The following CCDC169 variants were observed in gnomAD, a reference collection of about 807,000 sequenced individuals.
CCDC169 encodes the protein coiled-coil domain containing 169.
A neutral mutation model predicts 36.0 loss-of-function variants in CCDC169; 30 were observed. The ratio of observed to expected loss-of-function variants is 0.83; its 90% CI spans 0.62 to 1.13. The LOEUF (loss-of-function observed/expected upper bound fraction) is 1.13. Among genes scored for constraint, CCDC169 ranks in the 50% most tolerant of loss-of-function variants. The pLI, the probability that CCDC169 is intolerant of heterozygous loss-of-function variation, is 0.00. For synonymous variants in CCDC169, 85 were observed against 81.5 expected (o/e 1.04, Z -0.23); for missense variants, 245 against 245.9 (o/e 1.00, Z 0.03).
chr13:36,284,627 AAAG>A (rs758758246), intron 2 of CCDC169, among the ~76,000 whole-genome samples: 13 of 152,204 alleles, frequency 8.5e-5, no homozygotes, highest in Non-Finnish European at 5.9e-5. Flanking sequence ...GTCTGGGGAA[AAAG>A]AAGAATACAG....
At chr13:36,260,093 A>G (rs1874432734) in intron 4 of CCDC169, among the ~76,000 whole-genome samples, 1 of 152,242 alleles carries the variant, frequency 6.6e-6, no homozygotes, top group African/African-American at 2.4e-5. Flanking sequence ...ATTACAGTTG[A>G]AATGGCTAAT....
At chr13:36,255,825 C>T (rs748985) in intron 4 of CCDC169, among the ~76,000 whole-genome samples, 61,629 of 151,984 alleles carry the variant, frequency 0.41, 13,276 homozygotes, top group Non-Finnish European at 0.48. Context: ...CCACAGTCTT[C>T]AGAGGAACTT....
At chr13:36,283,146 T>A in intron 4 of CCDC169, 1 of 274,120 alleles carries the variant, frequency 3.6e-6, no homozygotes, top group Non-Finnish European at 6.8e-6. Flanking sequence ...GTAACAAGCG[T>A]GCAAAAGGAC....
intron 7 of CCDC169, among the ~76,000 whole-genome samples, chr13:36,237,204 T>C (rs1566059872): frequency 6.6e-6 from 1 of 152,036 alleles, no homozygotes; most frequent in East Asian, 1.9e-4. Context: ...TTCAACATCA[T>C]TAGTCATTAG....
At chr13:36,285,618 G>GATACATACATAC (rs374083543) in intron 2 of CCDC169, among the ~76,000 whole-genome samples, 166 of 133,592 alleles carry the variant, frequency 1.2e-3, no homozygotes, top group African/African-American at 4.2e-3. Flanking sequence ...TAGATAGATA[G>GATACATACATAC]ATACATAGAT....
downstream of CCDC169, chr13:36,230,732 T>C (rs11617647): frequency 0.18 from 177,465 of 979,518 alleles, 16,283 homozygotes; most frequent in Non-Finnish European, 0.19. Flanking sequence ...TGTTCTACGA[T>C]ACCATAATAT....
At chr13:36,237,708 C>T (rs1164780889) in intron 7 of CCDC169, among the ~76,000 whole-genome samples, 1 of 152,144 alleles carries the variant, frequency 6.6e-6, no homozygotes, top group African/African-American at 2.4e-5. Flanking sequence ...ATTGTATGCT[C>T]CCATTTACAG....
intron 4 of CCDC169, among the ~76,000 whole-genome samples, chr13:36,273,836 G>A (rs1291733372): frequency 6.6e-6 from 1 of 152,098 alleles, no homozygotes. Flanking sequence ...CTTGTCCTTC[G>A]TTCTTTCTTC....
At chr13:36,239,992 G>A (rs908479045) in intron 7 of CCDC169, among the ~76,000 whole-genome samples, 23 of 152,040 alleles carry the variant, frequency 1.5e-4, no homozygotes, top group Non-Finnish European at 8.8e-5. Context: ...CTCTTCCTAT[G>A]CCTAAATTGT....
At chr13:36,226,990 C>A (rs2138361956), downstream of CCDC169, 2 of 427,224 alleles carry the variant, frequency 4.7e-6, no homozygotes, top group East Asian at 6.6e-5. Flanking sequence ...AAATCCTTAT[C>A]TCTCACTGTA....
chr13:36,282,561 C>T, intron 4 of CCDC169: 2 of 985,126 alleles, frequency 2.0e-6, no homozygotes, highest in Non-Finnish European at 2.4e-6. Flanking sequence ...TCTGTTTATA[C>T]TGAACTTTCA....
intron 7 of CCDC169, among the ~76,000 whole-genome samples, chr13:36,235,844 T>G (rs1871007805): frequency 2.0e-5 from 3 of 151,872 alleles, no homozygotes; most frequent in African/African-American, 4.8e-5. Context: ...TCAACTGTAT[T>G]TCTAGACACC....
chr13:36,283,405 G>T, intron 4 of CCDC169, 64 bp downstream of exon 4: 2 of 1,433,328 alleles, frequency 1.4e-6, no homozygotes, highest in Non-Finnish European at 1.9e-6. Flanking sequence ...TTTGAAATAC[G>T]TCTGGAAAAA....
chr13:36,248,631 T>C lies in CCDC169; in HGVS notation c.520A>G (p.Arg174Gly), dbSNP rs1337988567. Residue 174 changes from arginine to glycine, a missense_variant, in exon 7 of 8, where the codon AGG (arginine) becomes GGG (glycine). Coordinates refer to ENST00000239859, the MANE Select transcript of CCDC169 (RefSeq NM_001144981.3). ...SKRQQVDQLPRMQENLVKTGR... is the reference protein window; with the variant it reads ...SKRQQVDQLPGMQENLVKTGR... ...GTTTTCACTAGATTCTCTTGCATCC[T>C]AGGCAGTTGATCCACCTGTTGCCTT... 3.2e-6 allele frequency: 5 copies of C among 1,550,652 alleles called. No homozygotes were observed. The African/African-American group carries it at 6.8e-5, about 21-fold the overall frequency.
chr13:36,252,349 T>C (rs1873276866), intron 6 of CCDC169, among the ~76,000 whole-genome samples: 1 of 152,232 alleles, frequency 6.6e-6, no homozygotes, highest in Non-Finnish European at 1.5e-5. Context: ...TAGTCAACAC[T>C]ACAACACATA....
chr13:36,290,611 A>G (rs1410827629), intron 2 of CCDC169, among the ~76,000 whole-genome samples: 2 of 152,218 alleles, frequency 1.3e-5, no homozygotes, highest in Non-Finnish European at 2.9e-5. Context: ...ACAGATGCCT[A>G]AACAGCTGAA....
intron 7 of CCDC169, chr13:36,240,806 A>G (rs1283345030): frequency 3.9e-6 from 1 of 254,120 alleles, no homozygotes; most frequent in East Asian, 1.2e-4. Flanking sequence ...GTTAATACAC[A>G]CCATGGGCGA....
Position 36,283,541 on chromosome 13 carries a change from T to C in CCDC169, c.275-32A>G, listed in dbSNP as rs1361898107. ...TAAATCAAATATGAGCACTTAATGT[T>C]TTATCAGTTTTAACTCAAATTATAA... On this transcript the variant is annotated intron_variant, in intron 3 of 7. Transcript: ENST00000239859. 4.5e-6 allele frequency: 7 copies of C among 1,550,894 alleles called. No homozygotes were observed. The South Asian group carries it at 8.3e-5, about 18-fold the overall frequency.
intron 1 of CCDC169, among the ~76,000 whole-genome samples, chr13:36,296,354 A>G (rs1879486165): frequency 6.6e-6 from 1 of 152,150 alleles, no homozygotes; most frequent in Non-Finnish European, 1.5e-5. Flanking sequence ...CGGCCTCCCA[A>G]AGTGCTGGGA....
Sources: gnomAD v4.1 joint callset for allele counts (sites outside exome capture counted in the v4.1 genomes callset) on GRCh38, gnomAD v4.1.1 for gene constraint, MANE v1.5 for transcripts, NCBI Gene and HGNC (gene_info 2026-07-23, HGNC 2026-07-21) for gene names.